MYO3A: variants seen among roughly 807,000 people sequenced by gnomAD.
MYO3A encodes myosin-IIIa.
In MYO3A, 180 loss-of-function variants were observed where a neutral mutation model predicts 192.7. The observed-to-expected ratio is 0.93, with a 90% CI of 0.83 to 1.06. The LOEUF is 1.06. MYO3A is among the 50% of genes least tolerant of loss of function. MYO3A has a pLI of 0.00. For synonymous variants in MYO3A, 628 were observed against 645.3 expected, an observed-to-expected ratio of 0.97 and a Z score of 0.41; for missense variants, 1,896 against 1,905.0, an observed-to-expected ratio of 1.00 and a Z score of 0.09.
intron 7 of MYO3A, among the ~76,000 whole-genome samples, chr10:26,017,655 C>T (rs1037991304): frequency 6.6e-6 from 1 of 151,786 alleles, no homozygotes. Context: ...TATTTGAATA[C>T]TTGTTTAATT....
intron 31 of MYO3A, among the ~76,000 whole-genome samples, chr10:26,189,211 T>G (rs1843006216): frequency 6.6e-6 from 1 of 152,220 alleles, no homozygotes; most frequent in Non-Finnish European, 1.5e-5. Flanking sequence ...TGTCTTAATC[T>G]GCTCTTTTAA....
At chr10:25,978,144 C>T (rs983932438) in intron 4 of MYO3A, among the ~76,000 whole-genome samples, 6 of 151,806 alleles carry the variant, frequency 4.0e-5, no homozygotes, top group African/African-American at 1.5e-4. Flanking sequence ...TATTCTATTC[C>T]TTTCATATGT....
At chr10:26,050,120 A>T (rs1397564844) in intron 10 of MYO3A, among the ~76,000 whole-genome samples, 1 of 152,050 alleles carries the variant, frequency 6.6e-6, no homozygotes, top group Non-Finnish European at 1.5e-5. Flanking sequence ...TTACTTTTAT[A>T]ATTAGATAAA....
At chr10:26,144,860 C>A (rs768355419) in intron 21 of MYO3A, among the ~76,000 whole-genome samples, 1 of 152,082 alleles carries the variant, frequency 6.6e-6, no homozygotes, top group Non-Finnish European at 1.5e-5. Context: ...AGAAACTCTG[C>A]GATTAGGGCC....
chr10:26,159,614 C>T (rs188151187), intron 26 of MYO3A, among the ~76,000 whole-genome samples: 48 of 152,136 alleles, frequency 3.2e-4, no homozygotes, highest in African/African-American at 4.8e-4. Flanking sequence ...CTCCTGACCT[C>T]GTGATCCGCC....
intron 14 of MYO3A, among the ~76,000 whole-genome samples, chr10:26,080,594 G>A (rs1339224592): frequency 6.3e-5 from 9 of 142,554 alleles, no homozygotes; most frequent in African/African-American, 2.3e-4. Flanking sequence ...TTTTTTTGGG[G>A]GGAGGCGGGG....
At chr10:26,082,475 T>C (rs1224785450) in intron 14 of MYO3A, among the ~76,000 whole-genome samples, 7 of 152,206 alleles carry the variant, frequency 4.6e-5, no homozygotes, top group Admixed American at 3.3e-4. Flanking sequence ...CAGTTATTTT[T>C]TTGGGATATT....
intron 4 of MYO3A, among the ~76,000 whole-genome samples, chr10:25,981,786 T>C (rs1004587961): frequency 2.6e-5 from 4 of 152,334 alleles, no homozygotes; most frequent in African/African-American, 9.6e-5. Flanking sequence ...GAAGGCAAGA[T>C]TAACTTGCAG....
At chr10:26,075,741 C>CTCAT (rs1286514772) in intron 14 of MYO3A, among the ~76,000 whole-genome samples, 10 of 142,610 alleles carry the variant, frequency 7.0e-5, no homozygotes, top group Non-Finnish European at 1.5e-4. Context: ...ATATGTCTCT[C>CTCAT]ATATATATGA....
At chr10:26,039,627 C>A (rs775527213) in intron 10 of MYO3A, among the ~76,000 whole-genome samples, 22 of 151,922 alleles carry the variant, frequency 1.4e-4, no homozygotes, top group Non-Finnish European at 3.1e-4. Context: ...TTGTATGTGT[C>A]TGGGAATTTA....
At chr10:26,113,411 A>G (rs2131655212) in intron 17 of MYO3A, among the ~76,000 whole-genome samples, 1 of 151,824 alleles carries the variant, frequency 6.6e-6, no homozygotes, top group East Asian at 1.9e-4. Flanking sequence ...TGGAGGTTGC[A>G]GTGAGCCGAG....
intron 15 of MYO3A, among the ~76,000 whole-genome samples, chr10:26,094,200 C>T (rs1836867857): frequency 6.6e-6 from 1 of 152,206 alleles, no homozygotes; most frequent in East Asian, 1.9e-4. Flanking sequence ...TATTTTAAAC[C>T]TACATGACTG....
chr10:26,162,856 C>A (rs1374866119), intron 26 of MYO3A, among the ~76,000 whole-genome samples: 1 of 152,164 alleles, frequency 6.6e-6, no homozygotes. Context: ...TCAGTTGGTG[C>A]GTTTTGCATA....
chr10:26,050,932 A>G (rs1032331730), intron 10 of MYO3A, among the ~76,000 whole-genome samples: 2 of 152,244 alleles, frequency 1.3e-5, no homozygotes, highest in African/African-American at 4.8e-5. Context: ...ACTCATAAAT[A>G]AAGGATCATA....
At chr10:26,039,980 T>C (rs977135398) in intron 10 of MYO3A, among the ~76,000 whole-genome samples, 12 of 102,820 alleles carry the variant, frequency 1.2e-4, no homozygotes, top group Admixed American at 1.1e-3. Context: ...TTATTTGAAG[T>C]TTTTTTTTAA....
intron 6 of MYO3A, among the ~76,000 whole-genome samples, chr10:26,009,101 A>G (rs1250854130): frequency 6.6e-6 from 1 of 151,944 alleles, no homozygotes; most frequent in Non-Finnish European, 1.5e-5. Context: ...ATTGGAAATC[A>G]TCATTCTCAG....
chr10:26,029,972 G>A (rs17666162), intron 10 of MYO3A, among the ~76,000 whole-genome samples: 3,899 of 151,886 alleles, frequency 0.026, 75 homozygotes, highest in Middle Eastern at 0.051. Flanking sequence ...GTGATTTGAA[G>A]GAAATTGCAG....
chr10:26,210,848 C>T (rs968090890), intron 34 of MYO3A, among the ~76,000 whole-genome samples: 2 of 152,130 alleles, frequency 1.3e-5, no homozygotes, highest in African/African-American at 4.8e-5. Context: ...ATTGCTTGAT[C>T]TATCATCCTG....
chr10:25,946,272 GAT>G, intron 2 of MYO3A, among the ~76,000 whole-genome samples: 1 of 152,162 alleles, frequency 6.6e-6, no homozygotes, highest in East Asian at 1.9e-4. Context: ...TTGTAGGGCA[GAT>G]GGAGTGGTAA....
Sources: allele counts gnomAD v4.1 joint callset (sites outside exome capture counted in the v4.1 genomes callset), GRCh38; gene constraint gnomAD v4.1.1; transcripts MANE v1.5; gene names NCBI Gene and HGNC (gene_info 2026-07-23, HGNC 2026-07-21).